BDNF: variants seen among roughly 807,000 people sequenced by gnomAD.
BDNF encodes brain derived neurotrophic factor, also known as neurotrophic factor BDNF precursor form.
Under a neutral mutation model 19.5 loss-of-function variants are expected in BDNF, and 1 was observed. The ratio of observed to expected loss-of-function variants is 0.05; its 90% CI spans 0.02 to 0.24. The LOEUF (loss-of-function observed/expected upper bound fraction) is 0.24, where lower values mean the gene tolerates loss of function less well. BDNF is among the 10% of genes least tolerant of loss of function. The pLI, the probability that BDNF is intolerant of heterozygous loss-of-function variation, is 1.00. For missense variants in BDNF, 195 were observed against 317.6 expected, an observed-to-expected ratio of 0.61 and a Z score of 2.93; for synonymous variants, 100 against 121.6, an observed-to-expected ratio of 0.82 and a Z score of 1.17.
rs150767807 is a variant in BDNF, at chr11:27,658,292, C to T, written c.273G>A (p.Thr91=). The T allele has an allele frequency of 1.5e-4, 237 of 1,614,080 alleles. 1 individual carries two copies. The highest frequency in any genetic ancestry group is 8.2e-4 in the Middle Eastern group (5 of 6,062). Residue 91 remains threonine, a synonymous_variant, in exon 2 of 2, where the codon ACG becomes ACA. Transcript: ENST00000356660. The surrounding 1 kb of genome is among the most constrained non-coding windows in gnomAD (Gnocchi z 5.7). ...EENNKDADLY[T]SRVMLSSQVP... Reference sequence around the variant, plus strand: ...CTTGACTACTGAGCATCACCCTGGACGTGTACAAGTCTGCGTCCTTATTGT... The same window carrying T: ...CTTGACTACTGAGCATCACCCTGGATGTGTACAAGTCTGCGTCCTTATTGT...
intron 1 of BDNF, chr11:27,720,227 A>G (rs1366444072): frequency 1.4e-6 from 1 of 714,680 alleles, no homozygotes; most frequent in Non-Finnish European, 1.7e-6. Flanking sequence ...ATACCAAGAA[A>G]CAACCCCCTC....
chr11:27,670,002 C>T (rs1304542739), intron 1 of BDNF, among the ~76,000 whole-genome samples: 2 of 152,184 alleles, frequency 1.3e-5, no homozygotes, highest in African/African-American at 4.8e-5. Context: ...TACCTGACTT[C>T]AAACTATATT....
intron 1 of BDNF, chr11:27,675,659 C>T (rs1475101764): frequency 1.3e-5 from 2 of 152,070 alleles, no homozygotes; most frequent in South Asian, 2.1e-4. Flanking sequence ...TCATGTTCTT[C>T]GGGAATGTGG....
upstream of BDNF, chr11:27,701,013 ACACAATGAAATCGCACAGAG>A (rs750952928): frequency 7.3e-7 from 1 of 1,361,654 alleles, no homozygotes; most frequent in South Asian, 1.2e-5. Flanking sequence ...GAACGCGAGC[ACACAATGAAATCGCACAGAG>A]CATGGGGGCT....
At chr11:27,703,752 A>G (rs1860003692), upstream of BDNF, among the ~76,000 whole-genome samples, 1 of 152,330 alleles carries the variant, frequency 6.6e-6, no homozygotes, top group African/African-American at 2.4e-5. Context: ...AGAAAAGAAG[A>G]TCAGATGCCA....
In BDNF at chr11:27,720,224, G is replaced by C. The variant is rs1037114968; in HGVS notation, c.3+1188C>G. 9 of 700,394 alleles carry C rather than the reference G, an allele frequency of 1.3e-5. No homozygotes were observed. In the African/African-American group the frequency reaches 1.8e-4, roughly 14 times the overall value. The allele number at this position is 700,394 out of a possible 1,614,324, so 43.4% of individuals were successfully genotyped here. A position where few individuals can be genotyped will look rare whatever the true frequency, so the allele number is the denominator to read the frequency against. Reference sequence around the variant, plus strand: ...GCAATTCAAACTGGGCAAATACCAAGAAACAACCCCCTCTCATGCTCTCCC... The same window carrying C: ...GCAATTCAAACTGGGCAAATACCAACAAACAACCCCCTCTCATGCTCTCCC... On this transcript the variant is annotated intron_variant, in intron 1 of 1. Coordinates refer to the BDNF transcript ENST00000314915.
At chr11:27,680,931 A>G (rs558960812) in intron 1 of BDNF, among the ~76,000 whole-genome samples, 3 of 152,310 alleles carry the variant, frequency 2.0e-5, no homozygotes, top group African/African-American at 7.2e-5. Flanking sequence ...GGTCAGCCTC[A>G]ATTTCAGTGC....
upstream of BDNF, among the ~76,000 whole-genome samples, chr11:27,704,525 TACC>T (rs1860033147): frequency 1.3e-5 from 2 of 152,178 alleles, no homozygotes; most frequent in African/African-American, 4.8e-5. Context: ...TAGTTACTCC[TACC>T]TTCAGTATTC....
At chr11:27,674,840 A>C (rs1855872832) in intron 1 of BDNF, 1 of 929,050 alleles carries the variant, frequency 1.1e-6, no homozygotes, top group African/African-American at 1.8e-5. Flanking sequence ...ACAATACAGT[A>C]TTTGTTGGTG....
chr11:27,663,847 G>C (rs1333595859), intron 1 of BDNF, among the ~76,000 whole-genome samples: 1 of 152,164 alleles, frequency 6.6e-6, no homozygotes, highest in South Asian at 2.1e-4. Flanking sequence ...ATACTACTTT[G>C]TAGGTCTAGA....
chr11:27,678,862 T>C (rs990953410), intron 1 of BDNF, among the ~76,000 whole-genome samples: 3 of 152,148 alleles, frequency 2.0e-5, no homozygotes, highest in African/African-American at 7.2e-5. Context: ...AAAACAGATC[T>C]CCCATTAAAC....
chr11:27,707,605 T>C (rs1352819299), intron 1 of BDNF, among the ~76,000 whole-genome samples: 1 of 152,142 alleles, frequency 6.6e-6, no homozygotes, highest in African/African-American at 2.4e-5. Context: ...AAGTTATAAG[T>C]CTAGTTGGAT....
At chr11:27,719,675 G>A (rs1860672150) in intron 1 of BDNF, 2 of 984,288 alleles carry the variant, frequency 2.0e-6, no homozygotes, top group Non-Finnish European at 2.4e-6. Context: ...CATCCAGCGA[G>A]GAGCGAGGGC....
At chr11:27,697,044 G>A (rs893908494) in intron 1 of BDNF, among the ~76,000 whole-genome samples, 1 of 151,918 alleles carries the variant, frequency 6.6e-6, no homozygotes, top group Non-Finnish European at 1.5e-5. Context: ...TTAAGAGTAA[G>A]TCTACGATTG....
At chr11:27,694,257 A>G (rs1035336263) in intron 1 of BDNF, among the ~76,000 whole-genome samples, 1 of 152,238 alleles carries the variant, frequency 6.6e-6, no homozygotes, top group African/African-American at 2.4e-5. Context: ...TAAGTGAATC[A>G]AATTACACAT....
chr11:27,664,826 G>C (rs779068075), intron 1 of BDNF, among the ~76,000 whole-genome samples: 33 of 152,042 alleles, frequency 2.2e-4, no homozygotes, highest in Non-Finnish European at 4.6e-4. Flanking sequence ...GCTCCCGATA[G>C]CCAGAGCCAC....
upstream of BDNF, chr11:27,700,708 C>A (rs893429555): frequency 1.5e-5 from 18 of 1,164,802 alleles, no homozygotes; most frequent in African/African-American, 2.3e-4. Context: ...CATCGCCCTG[C>A]GAGTCCTGCG....
intron 1 of BDNF, among the ~76,000 whole-genome samples, chr11:27,687,410 C>T (rs529050138): frequency 1.3e-5 from 2 of 152,176 alleles, no homozygotes; most frequent in South Asian, 4.1e-4. Flanking sequence ...ATACTTCTGT[C>T]AATTCATCAA....
intron 1 of BDNF, among the ~76,000 whole-genome samples, chr11:27,692,053 A>T (rs1259235055): frequency 1.3e-5 from 2 of 152,208 alleles, no homozygotes; most frequent in Non-Finnish European, 2.9e-5. Context: ...AATTTTGAGA[A>T]TCTGTATACA....
Sources: gnomAD v4.1 joint callset for allele counts (sites outside exome capture counted in the v4.1 genomes callset) on GRCh38, gnomAD v4.1.1 for gene constraint, Gnocchi (gnomAD v3.1) non-coding constraint, MANE v1.5 for transcripts, NCBI Gene and HGNC (gene_info 2026-07-23, HGNC 2026-07-21) for gene names.